The following SHANK2 variants were observed in gnomAD, a reference collection of about 807,000 sequenced individuals.
SHANK2 encodes the protein SH3 and multiple ankyrin repeat domains protein 2.
SHANK2 carries 43 observed loss-of-function variants against 133.7 expected under a neutral mutation model. The ratio of observed to expected loss-of-function variants is 0.32; its 90% CI spans 0.25 to 0.41. SHANK2 has a LOEUF of 0.41. SHANK2 is among the 10% of genes least tolerant of loss of function. The pLI is 1.00. For missense variants in SHANK2, 1,994 were observed against 2,235.8 expected, an observed-to-expected ratio of 0.89 and a Z score of 2.18; for synonymous variants, 1,017 against 952.8, an observed-to-expected ratio of 1.07 and a Z score of -1.24.
chr11:70,555,098 T>G (rs998639274), intron 17 of SHANK2, among the ~76,000 whole-genome samples: 13 of 152,122 alleles, frequency 8.5e-5, no homozygotes, highest in African/African-American at 2.4e-4. Context: ...TGGATTTTTT[T>G]GGGGGTGCCG....
chr11:70,480,657 C>T (rs1014298556), intron 25 of SHANK2, among the ~76,000 whole-genome samples: 1 of 152,222 alleles, frequency 6.6e-6, no homozygotes, highest in Non-Finnish European at 1.5e-5. Flanking sequence ...CACATAAAGG[C>T]AATCCCTAAC....
intron 13 of SHANK2, among the ~76,000 whole-genome samples, chr11:70,800,808 G>A (rs1272990387): frequency 2.0e-5 from 3 of 152,170 alleles, no homozygotes; most frequent in Non-Finnish European, 4.4e-5. Flanking sequence ...CAGTAACCCC[G>A]GGCTGCAAAG....
At chr11:70,792,460 T>C (rs1947816073) in intron 14 of SHANK2, among the ~76,000 whole-genome samples, 2 of 151,838 alleles carry the variant, frequency 1.3e-5, no homozygotes, top group South Asian at 2.1e-4. Context: ...GGACCACCAT[T>C]TGATTTTGCT....
At position 70,535,342 on chromosome 11, in the gene SHANK2, C is replaced by T. The variant is rs1321409505; in HGVS notation, c.2062-32411G>A. Among the ~76,000 whole-genome samples the T allele has an allele frequency of 7.0e-6, 1 of 141,920 alleles. No homozygotes were observed. Among genetic ancestry groups the T allele is most frequent in the Non-Finnish European group, 1.6e-5 (1 of 63,296 alleles). The allele number at this position is 141,920 out of a possible 152,430, so 93.1% of individuals were successfully genotyped here. A position where few individuals can be genotyped will look rare whatever the true frequency, so the allele number is the denominator to read the frequency against. On this transcript the variant is annotated intron_variant, in intron 17 of 25. Transcript: ENST00000601538. This position sits in a 1 kb window ranked among gnomAD's most constrained non-coding sequence, Gnocchi z 4.3. The stretch of plus-strand genomic sequence containing the variant: ...CACTCTATCCCTCTGTTCTTCCATT[C>T]ATCCATTCATTATCTACCATCATCC...
At chr11:70,502,730 T>TTCCCCCC in intron 18 of SHANK2, 66 bp downstream of exon 18, 8 of 772,452 alleles carry the variant, frequency 1.0e-5, no homozygotes, top group South Asian at 4.6e-5. Flanking sequence ...CCAGCTGTCC[T>TTCCCCCC]GCCCGCCCCC....
intron 10 of SHANK2, among the ~76,000 whole-genome samples, chr11:70,944,493 C>T (rs1414350182): frequency 6.6e-6 from 1 of 152,224 alleles, no homozygotes; most frequent in African/African-American, 2.4e-5. Context: ...CCTCTGGGAC[C>T]GTCTCACTGA....
intron 11 of SHANK2, among the ~76,000 whole-genome samples, chr11:70,842,889 C>T (rs782579051): frequency 3.5e-4 from 53 of 152,312 alleles, no homozygotes; most frequent in Middle Eastern, 3.4e-3. Context: ...ATAACACGGA[C>T]GGTGGAACCT....
chr11:70,921,470 C>T (rs782664179), intron 10 of SHANK2, among the ~76,000 whole-genome samples: 8 of 152,184 alleles, frequency 5.3e-5, no homozygotes, highest in South Asian at 2.1e-4. Context: ...ACTGCAGACC[C>T]GAAGGGGAGT....
intron 8 of SHANK2, among the ~76,000 whole-genome samples, chr11:71,085,476 T>A (rs1951366439): frequency 1.6e-5 from 2 of 122,656 alleles, no homozygotes; most frequent in Non-Finnish European, 3.2e-5. Flanking sequence ...ATATATATAA[T>A]ATATATGTTA....
intron 2 of SHANK2, among the ~76,000 whole-genome samples, chr11:71,166,531 A>G (rs1327749269): frequency 1.4e-5 from 2 of 143,526 alleles, no homozygotes; most frequent in Non-Finnish European, 3.0e-5. Context: ...CCCAGGCTGC[A>G]GTGCAGTGGC....
intron 2 of SHANK2, among the ~76,000 whole-genome samples, chr11:71,148,589 A>C (rs1195903567): frequency 6.6e-6 from 1 of 152,194 alleles, no homozygotes; most frequent in African/African-American, 2.4e-5. Flanking sequence ...TCTGTGGGGA[A>C]GGACGAGGCC....
intron 2 of SHANK2, among the ~76,000 whole-genome samples, chr11:71,187,341 G>A (rs1369134163): frequency 6.6e-6 from 1 of 152,126 alleles, no homozygotes; most frequent in Non-Finnish European, 1.5e-5. Flanking sequence ...GGTTTCTCAT[G>A]TTTTGTTTGG....
chr11:71,165,032 T>A (rs1590977057), intron 2 of SHANK2, among the ~76,000 whole-genome samples: 1 of 148,078 alleles, frequency 6.8e-6, no homozygotes, highest in African/African-American at 2.5e-5. Context: ...AATTTTCTTG[T>A]CTTCATTTTT....
intron 11 of SHANK2, among the ~76,000 whole-genome samples, chr11:70,843,879 T>C (rs1278123957): frequency 2.0e-5 from 3 of 152,146 alleles, no homozygotes; most frequent in Non-Finnish European, 4.4e-5. Flanking sequence ...AAATATCTCC[T>C]GGTGCTTCCG....
chr11:71,116,416 C>T (rs1555100362), intron 4 of SHANK2, among the ~76,000 whole-genome samples: 4 of 152,234 alleles, frequency 2.6e-5, no homozygotes, highest in African/African-American at 9.6e-5. Context: ...TGGGGCGTAG[C>T]AAGCCTGGGT....
chr11:70,777,370 CCCAT>C (rs1320927639), intron 14 of SHANK2, among the ~76,000 whole-genome samples: 1 of 150,586 alleles, frequency 6.6e-6, no homozygotes, highest in African/African-American at 2.5e-5. Flanking sequence ...CATCCATACA[CCCAT>C]CCACCCACCC....
intron 10 of SHANK2, among the ~76,000 whole-genome samples, chr11:70,935,724 T>A (rs1950562236): frequency 6.7e-6 from 1 of 149,646 alleles, no homozygotes. Flanking sequence ...AAAAACAGAC[T>A]CTGTCCTAAC....
At chr11:71,199,760 C>A (rs1029501098) in intron 2 of SHANK2, among the ~76,000 whole-genome samples, 12 of 152,272 alleles carry the variant, frequency 7.9e-5, no homozygotes, top group African/African-American at 2.4e-4. Flanking sequence ...GAATCCTAAT[C>A]CCCTGCGCTG....
intron 17 of SHANK2, among the ~76,000 whole-genome samples, chr11:70,528,625 G>A (rs1001355885): frequency 9.9e-5 from 15 of 152,106 alleles, no homozygotes; most frequent in African/African-American, 3.4e-4. Context: ...AAGCAGGCCC[G>A]GCAGAGCCTG....
Sources: gnomAD v4.1 joint callset for allele counts (sites outside exome capture counted in the v4.1 genomes callset) on GRCh38, gnomAD v4.1.1 for gene constraint, Gnocchi (gnomAD v3.1) non-coding constraint, MANE v1.5 for transcripts, NCBI Gene and HGNC (gene_info 2026-07-23, HGNC 2026-07-21) for gene names.